STS: variants seen among roughly 807,000 people sequenced by gnomAD.
The protein encoded by STS is steroid sulfatase.
A neutral mutation model predicts 26.8 loss-of-function variants in STS; 7 were observed. The ratio of observed to expected loss-of-function variants is 0.26; its 90% confidence interval spans 0.15 to 0.49. STS has a LOEUF of 0.49. Among genes scored for constraint, STS ranks in the 20% least tolerant of loss-of-function variants. The probability of loss-of-function intolerance (pLI) is 0.98; values close to 1 mark genes in which losing one functional copy is unlikely to be tolerated. For synonymous variants in STS, 199 were observed against 189.4 expected, an observed-to-expected ratio of 1.05 and a Z score of -0.42; for missense variants, 434 against 465.6, an observed-to-expected ratio of 0.93 and a Z score of 0.63.
intron 2 of STS, among the ~76,000 whole-genome samples, chrX:7,201,112 GACAGATATATAGATA>G (rs1934063840): frequency 9.0e-6 from 1 of 111,101 alleles, no homozygotes; most frequent in Non-Finnish European, 1.9e-5. Flanking sequence ...ATGGATGATA[GACAGATATATAGATA>G]GATGATGGAT....
intron 1 of STS, among the ~76,000 whole-genome samples, chrX:7,184,996 C>T (rs1274592745): frequency 2.7e-5 from 3 of 111,938 alleles, no homozygotes; most frequent in South Asian, 3.7e-4. Flanking sequence ...CTGGTTGCTT[C>T]GGCTTTTTGA....
At chrX:7,242,556 C>T (rs1054413698) in intron 2 of STS, among the ~76,000 whole-genome samples, 6 of 109,563 alleles carry the variant, frequency 5.5e-5, no homozygotes, top group Admixed American at 9.8e-5. Flanking sequence ...GCCGTGATCA[C>T]GCCACTGCAC....
chrX:7,159,416 C>T (rs1275234722), intron 1 of STS, among the ~76,000 whole-genome samples: 1 of 112,155 alleles, frequency 8.9e-6, no homozygotes, highest in African/African-American at 3.2e-5. Flanking sequence ...GGCTTAGGCA[C>T]ATCAGGCTCT....
At chrX:7,348,925 C>T (rs1234207748) in intron 10 of STS, among the ~76,000 whole-genome samples, 1 of 111,479 alleles carries the variant, frequency 9.0e-6, no homozygotes. Context: ...CTCACCATCA[C>T]TTCTAGCCTC....
At chrX:7,175,869 A>G (rs1222580087) in intron 1 of STS, among the ~76,000 whole-genome samples, 1 of 110,921 alleles carries the variant, frequency 9.0e-6, no homozygotes, top group African/African-American at 3.3e-5. Flanking sequence ...AGTTTCCAAA[A>G]TACCTCTTGA....
chrX:7,215,061 GTATA>G (rs1921239747), intron 2 of STS, among the ~76,000 whole-genome samples: 2 of 76,398 alleles, frequency 2.6e-5, no homozygotes, highest in African/African-American at 9.9e-5. Flanking sequence ...ACGTATATAT[GTATA>G]TATACACGTA....
Position 7,270,907 on chromosome X carries a change from T to G in STS, c.807-5044T>G, listed in dbSNP as rs1367516474. On this transcript the variant is annotated intron_variant, in intron 6 of 10. Coordinates refer to ENST00000674429, the MANE Select transcript of STS (RefSeq NM_001320752.2). ...CCGGTTGTGTCATCTTTATCATTTA[T>G]TTCTTTATTTCCACCTCACATTTTA... 3.6e-5 allele frequency among the ~76,000 whole-genome samples: 4 copies of G among 112,085 alleles called. No homozygotes were observed. In the East Asian group the frequency reaches 8.4e-4, roughly 24 times the overall value.
rs777139950 is a variant in STS, at chrX:7,259,668, C to A, written c.702C>A (p.Pro234=). 5.0e-6 allele frequency: 6 copies of A among 1,211,370 alleles called. No individual in the cohort carries two copies. The East Asian group carries it at 1.2e-4, about 24-fold the overall frequency. The change falls in exon 6 of 11, where the codon CCC becomes CCA. Residue 234 remains proline (P), a synonymous_variant. Coordinates refer to ENST00000674429, the MANE Select transcript of STS (RefSeq NM_001320752.2). ...LFLGFLHYFR[P]LNCFMMRNYE... ...TGGGCTTCCTTCATTACTTCCGGCC[C>A]CTGAACTGCTTCATGATGAGGAACT...
Position 7,298,270 on chromosome X carries a change from T to C in STS, c.944-6776T>C, listed in dbSNP as rs768324239. On this transcript the variant is annotated intron_variant, in intron 7 of 10. Coordinates refer to ENST00000674429, the MANE Select transcript of STS (RefSeq NM_001320752.2). The stretch of plus-strand genomic sequence containing the variant: ...TTTATGCCTTTTTATTTTGGTCCTA[T>C]ACTATTTTTCTTTTATGTGTAAACT... Among the ~76,000 whole-genome samples the C allele has an allele frequency of 3.5e-4, 39 of 111,811 alleles. 1 individual carries two copies. The Middle Eastern group carries it at 0.014, about 40-fold the overall frequency.
chrX:7,259,326 T>G, intron 5 of STS, 23 bp from the exon 6 acceptor site: 1 of 1,202,952 alleles, frequency 8.3e-7, no homozygotes, highest in Non-Finnish European at 1.1e-6. Context: ...GGGACTGAAG[T>G]GATCCCCCAT....
chrX:7,191,872 G>A (rs1324944919), intron 2 of STS, among the ~76,000 whole-genome samples: 1 of 112,734 alleles, frequency 8.9e-6, no homozygotes, highest in East Asian at 2.8e-4. Context: ...GTCCCTGCCT[G>A]CAGGAAGAGC....
chrX:7,255,069 A>G (rs1319644318), intron 3 of STS, among the ~76,000 whole-genome samples: 1 of 112,544 alleles, frequency 8.9e-6, no homozygotes, highest in Admixed American at 9.4e-5. Context: ...TAAATAGATT[A>G]TGATATTAAG....
chrX:7,199,410 A>G (rs766065088), intron 2 of STS, among the ~76,000 whole-genome samples: 58 of 112,393 alleles, frequency 5.2e-4, no homozygotes, highest in South Asian at 2.9e-3. Flanking sequence ...CTATTTTATT[A>G]AAATCAACTC....
intron 6 of STS, among the ~76,000 whole-genome samples, chrX:7,263,495 T>C (rs1307511116): frequency 1.8e-5 from 2 of 112,973 alleles, no homozygotes; most frequent in Non-Finnish European, 3.7e-5. Context: ...GGTGCAGGTT[T>C]GTAGCCTAGG....
At chrX:7,232,724 G>C (rs1478222124) in intron 2 of STS, among the ~76,000 whole-genome samples, 1 of 111,772 alleles carries the variant, frequency 8.9e-6, no homozygotes, top group African/African-American at 3.3e-5. Flanking sequence ...GTAAAAAAGG[G>C]AGTGCAGGTG....
chrX:7,242,431 T>TAA (rs756862322), intron 2 of STS, among the ~76,000 whole-genome samples: 2 of 101,219 alleles, frequency 2.0e-5, no homozygotes, highest in Admixed American at 1.1e-4. Flanking sequence ...CCTGTCTCTA[T>TAA]AAAAAAAAAA....
intron 1 of STS, among the ~76,000 whole-genome samples, chrX:7,176,412 A>T (rs945649501): frequency 8.9e-5 from 10 of 111,980 alleles, no homozygotes; most frequent in Non-Finnish European, 1.9e-4. Context: ...AGCAGAGCAC[A>T]CATGGATGTG....
At chrX:7,315,873 T>G (rs1221677352) in intron 8 of STS, among the ~76,000 whole-genome samples, 1 of 111,400 alleles carries the variant, frequency 9.0e-6, no homozygotes, top group Non-Finnish European at 1.9e-5. Flanking sequence ...GCCCACTGAC[T>G]CAAATGTTAA....
At chrX:7,225,337 G>A (rs1023425586) in intron 2 of STS, among the ~76,000 whole-genome samples, 2 of 111,413 alleles carry the variant, frequency 1.8e-5, no homozygotes, top group African/African-American at 6.5e-5. Flanking sequence ...GCATAGTGGG[G>A]CTCATGGCTA....
Sources: gnomAD v4.1 joint callset for allele counts (sites outside exome capture counted in the v4.1 genomes callset) on GRCh38, gnomAD v4.1.1 for gene constraint, MANE v1.5 for transcripts, NCBI Gene and HGNC (gene_info 2026-07-23, HGNC 2026-07-21) for gene names.